PHACTR1: variants seen among roughly 807,000 people sequenced by gnomAD.
PHACTR1 encodes phosphatase and actin regulator 1, also known as RPEL repeat containing 1.
Under a neutral mutation model 69.2 loss-of-function variants are expected in PHACTR1, and 16 were observed. That is an observed-to-expected ratio of 0.23 (90% CI 0.16 to 0.35). The LOEUF (loss-of-function observed/expected upper bound fraction) is 0.35. PHACTR1 is among the 10% of genes least tolerant of loss of function. The probability of loss-of-function intolerance (pLI) is 1.00; values close to 1 mark genes in which losing one functional copy is unlikely to be tolerated. For missense variants in PHACTR1, 510 were observed against 734.7 expected (o/e 0.69, Z 3.54); for synonymous variants, 312 against 284.5 (o/e 1.10, Z -0.97).
chr6:13,273,201 C>T, intron 11 of PHACTR1: 1 of 390,296 alleles, frequency 2.6e-6, no homozygotes, highest in Non-Finnish European at 4.6e-6. Context: ...AGTGAGACCA[C>T]TTATTATTTA....
intron 10 of PHACTR1, chr6:13,267,360 A>T (rs1167211318): frequency 2.0e-5 from 3 of 152,242 alleles, no homozygotes; most frequent in Non-Finnish European, 4.4e-5. Context: ...ACATAATTCT[A>T]GGAACTCGAG....
At chr6:12,781,499 T>C (rs1170448111) in intron 4 of PHACTR1, among the ~76,000 whole-genome samples, 4 of 152,202 alleles carry the variant, frequency 2.6e-5, no homozygotes, top group Admixed American at 2.6e-4. Flanking sequence ...GGCTCTAGGA[T>C]TTTCCACTTT....
At chr6:12,810,323 G>GTTGT (rs3036465) in intron 4 of PHACTR1, among the ~76,000 whole-genome samples, 7,497 of 151,970 alleles carry the variant, frequency 0.049, 476 homozygotes, top group African/African-American at 0.16. Context: ...TGGTTGGTTT[G>GTTGT]TTGTTTGTTT....
chr6:12,831,326 A>T (rs1401719979), intron 4 of PHACTR1, among the ~76,000 whole-genome samples: 6 of 152,208 alleles, frequency 3.9e-5, no homozygotes, highest in Admixed American at 3.9e-4. Flanking sequence ...AATAGAAAGG[A>T]TCATGGTACC....
intron 4 of PHACTR1, among the ~76,000 whole-genome samples, chr6:13,017,978 T>A (rs1301496708): frequency 1.3e-5 from 2 of 152,236 alleles, no homozygotes; most frequent in Admixed American, 1.3e-4. Flanking sequence ...TTCCTATTTT[T>A]TAAACATTTA....
At chr6:13,133,282 T>C (rs6918167) in intron 5 of PHACTR1, among the ~76,000 whole-genome samples, 5 of 108,678 alleles carry the variant, frequency 4.6e-5, no homozygotes, top group Admixed American at 1.0e-4. Flanking sequence ...CTCTCCCTCT[T>C]CCTCTCCCCA....
chr6:12,959,736 C>CTTTAGTA (rs1792440984), intron 4 of PHACTR1, among the ~76,000 whole-genome samples: 2 of 152,190 alleles, frequency 1.3e-5, no homozygotes, highest in South Asian at 4.1e-4. Flanking sequence ...TTTAGTGCCT[C>CTTTAGTA]CCAAATCACA....
Position 13,013,797 on chromosome 6 carries a change from G to T in PHACTR1, c.251-39568G>T, listed in dbSNP as rs1186211982. 6.0e-5 allele frequency among the ~76,000 whole-genome samples: 9 copies of T among 149,600 alleles called. No individual in the cohort carries two copies. The South Asian group carries it at 1.7e-3, about 28-fold the overall frequency. ...CTTATATAGAGCGGCCGGCGCGGGC[G>T]GGGCGGGGGCATGCTGGCGAGGCCG... On this transcript the variant is annotated intron_variant, in intron 4 of 14. Transcript: ENST00000332995.
At chr6:12,793,247 G>A (rs1222592332) in intron 4 of PHACTR1, among the ~76,000 whole-genome samples, 1 of 152,142 alleles carries the variant, frequency 6.6e-6, no homozygotes, top group Non-Finnish European at 1.5e-5. Context: ...AACCCCTCCC[G>A]CTAGTAGCGA....
intron 4 of PHACTR1, among the ~76,000 whole-genome samples, chr6:12,764,413 A>G (rs1283524122): frequency 1.3e-5 from 2 of 152,316 alleles, no homozygotes; most frequent in African/African-American, 2.4e-5. Context: ...ACAGTCTAGT[A>G]TCTTTTCAAA....
At chr6:12,726,251 T>G (rs1762779448) in intron 3 of PHACTR1, among the ~76,000 whole-genome samples, 1 of 152,210 alleles carries the variant, frequency 6.6e-6, no homozygotes, top group African/African-American at 2.4e-5. Context: ...AAAGGGCTTT[T>G]TGATATAGAA....
At chr6:12,897,325 G>A (rs1206493444) in intron 4 of PHACTR1, among the ~76,000 whole-genome samples, 1 of 152,116 alleles carries the variant, frequency 6.6e-6, no homozygotes, top group African/African-American at 2.4e-5. Context: ...AGCGCAAGAG[G>A]TTCATCCTCC....
chr6:12,782,717 A>G (rs962778193), intron 4 of PHACTR1, among the ~76,000 whole-genome samples: 2 of 152,242 alleles, frequency 1.3e-5, no homozygotes, highest in Non-Finnish European at 2.9e-5. Flanking sequence ...GAATTAAAAA[A>G]GAGGACTACT....
At chr6:13,078,554 A>G (rs186626860) in intron 5 of PHACTR1, among the ~76,000 whole-genome samples, 1 of 152,218 alleles carries the variant, frequency 6.6e-6, no homozygotes, top group Non-Finnish European at 1.5e-5. Context: ...AAAGATAGCC[A>G]GGTTTCTAGT....
intron 4 of PHACTR1, among the ~76,000 whole-genome samples, chr6:12,869,167 G>A (rs1309067437): frequency 6.6e-6 from 1 of 152,164 alleles, no homozygotes; most frequent in Non-Finnish European, 1.5e-5. Context: ...ACAGGGCATT[G>A]ATAGATTCCC....
intron 4 of PHACTR1, among the ~76,000 whole-genome samples, chr6:12,797,366 A>G (rs1374436557): frequency 6.6e-6 from 1 of 152,166 alleles, no homozygotes; most frequent in Non-Finnish European, 1.5e-5. Context: ...TGAGTTTTCA[A>G]TCTGGTCATC....
chr6:13,197,548 T>TTCA (rs1554154476), intron 7 of PHACTR1, among the ~76,000 whole-genome samples: 2 of 151,850 alleles, frequency 1.3e-5, no homozygotes, highest in Non-Finnish European at 2.9e-5. Context: ...TCCTTTTTTT[T>TTCA]TTATTATTAT....
intron 4 of PHACTR1, among the ~76,000 whole-genome samples, chr6:12,840,495 T>C (rs1778583487): frequency 6.6e-6 from 1 of 152,180 alleles, no homozygotes; most frequent in Non-Finnish European, 1.5e-5. Context: ...AGGGATCGAC[T>C]TGTAGAAAAA....
intron 12 of PHACTR1, 69 bp downstream of exon 12, chr6:13,278,398 G>C: frequency 6.9e-7 from 1 of 1,457,738 alleles, no homozygotes; most frequent in South Asian, 1.2e-5. Flanking sequence ...TCTGCCCTCT[G>C]CTGGCCTCAG....
Sources: allele counts gnomAD v4.1 joint callset (sites outside exome capture counted in the v4.1 genomes callset), GRCh38; gene constraint gnomAD v4.1.1; transcripts MANE v1.5; gene names NCBI Gene and HGNC (gene_info 2026-07-23, HGNC 2026-07-21).